APMAP: variants seen among roughly 807,000 people sequenced by gnomAD.
APMAP encodes the protein adipocyte plasma membrane associated protein.
In APMAP, 33 loss-of-function variants were observed where a neutral mutation model predicts 43.6. That is an observed-to-expected ratio of 0.76 (90% CI 0.57 to 1.01). The LOEUF (loss-of-function observed/expected upper bound fraction) is 1.01, where lower values mean the gene tolerates loss of function less well. APMAP is among the 50% of genes least tolerant of loss of function. APMAP has a pLI of 0.00. For missense variants in APMAP, 498 were observed against 540.7 expected (o/e 0.92, Z 0.78); for synonymous variants, 224 against 216.7 (o/e 1.03, Z -0.30).
intron 8 of APMAP, among the ~76,000 whole-genome samples, chr20:24,966,795 C>T (rs1180234085): frequency 6.6e-6 from 1 of 152,174 alleles, no homozygotes; most frequent in Non-Finnish European, 1.5e-5. Context: ...ATGGGGCCTG[C>T]AGACCGGACA....
At chr20:24,991,782 G>C (rs1302471287) in intron 1 of APMAP, among the ~76,000 whole-genome samples, 1 of 152,226 alleles carries the variant, frequency 6.6e-6, no homozygotes, top group Non-Finnish European at 1.5e-5. Flanking sequence ...GAATTGAAAA[G>C]TGAATTTTAA....
At chr20:24,981,811 C>T (rs2088106849) in intron 2 of APMAP, among the ~76,000 whole-genome samples, 1 of 152,132 alleles carries the variant, frequency 6.6e-6, no homozygotes, top group Non-Finnish European at 1.5e-5. Context: ...TTTTCAGTGA[C>T]TAGAAACATT....
intron 4 of APMAP, among the ~76,000 whole-genome samples, chr20:24,972,032 T>C (rs1443038704): frequency 6.9e-6 from 1 of 145,352 alleles, no homozygotes; most frequent in East Asian, 2.1e-4. Context: ...TGCAGGGTGT[T>C]TGTGTAGAGT....
chr20:24,966,524 A>G (rs1189285817), intron 8 of APMAP, among the ~76,000 whole-genome samples: 1 of 152,244 alleles, frequency 6.6e-6, no homozygotes, highest in Non-Finnish European at 1.5e-5. Flanking sequence ...AGATGAGCAC[A>G]GCTTCACTGC....
At chr20:24,975,987 A>G (rs1208684444) in intron 3 of APMAP, among the ~76,000 whole-genome samples, 1 of 152,228 alleles carries the variant, frequency 6.6e-6, no homozygotes, top group Admixed American at 6.5e-5. Flanking sequence ...TCCACATGCA[A>G]ACAAATAAAT....
intron 1 of APMAP, among the ~76,000 whole-genome samples, chr20:24,990,912 G>A (rs1467287245): frequency 6.6e-6 from 1 of 152,176 alleles, no homozygotes; most frequent in Non-Finnish European, 1.5e-5. Flanking sequence ...CAGGGAAACA[G>A]GAACAATGTT....
intron 8 of APMAP, among the ~76,000 whole-genome samples, chr20:24,967,718 C>T (rs2122483405): frequency 1.3e-5 from 2 of 152,356 alleles, no homozygotes; most frequent in Middle Eastern, 3.4e-3. Flanking sequence ...GCACCTGAGG[C>T]AGCGAGTCCA....
rs778361760 is a variant in APMAP at position 24,992,655 on chromosome 20, G to A, written c.34C>T (p.Pro12Ser). The A allele has an allele frequency of 1.2e-5, 18 of 1,558,776 alleles. No individual in the cohort carries two copies. In the South Asian group the frequency reaches 1.8e-4, roughly 15 times the overall value. The change falls in exon 1 of 9, where the codon CCC becomes TCC. Residue 12 changes from proline to serine, a missense_variant. Coordinates refer to ENST00000217456, the MANE Select transcript of APMAP (RefSeq NM_020531.3). Reference protein sequence around the residue: ...SEADGLRQRRPLRPQVVTDDD... With the variant: ...SEADGLRQRRSLRPQVVTDDD... ...TCTGTGACGACCTGCGGCCGCAGGGGCCGGCGCTGTCGCAGCCCGTCCGCC... is the reference window on the plus strand; with the variant it reads ...TCTGTGACGACCTGCGGCCGCAGGGACCGGCGCTGTCGCAGCCCGTCCGCC...
At chr20:24,973,577 C>A in intron 4 of APMAP, 68 bp downstream of exon 4, 1 of 1,475,482 alleles carries the variant, frequency 6.8e-7, no homozygotes. Flanking sequence ...AAAAGCAGTT[C>A]CACACAACGA....
At position 24,969,635 on chromosome 20, in the gene APMAP, T is replaced by G. The variant is rs745550814; in HGVS notation, c.739A>C (p.Arg247=). The G allele has an allele frequency of 2.5e-6, 4 of 1,613,800 alleles. No homozygotes were observed. The highest frequency in any genetic ancestry group is 3.4e-6 in the Non-Finnish European group (4 of 1,179,802). ...GRLLEYDTVT[R]EVKVLLDQLR... is the part of the protein sequence containing the mutation. ...TGGTCCAATAAAACTTTTACTTCCC[T>G]GGTCACAGTATCATACTCCAGCAGG... The change falls in exon 7 of 9, where the codon AGG becomes CGG. Residue 247 remains arginine (R), a synonymous_variant. Transcript: ENST00000217456.
At chr20:24,974,621 C>T (rs1050596309) in intron 3 of APMAP, among the ~76,000 whole-genome samples, 11 of 152,104 alleles carry the variant, frequency 7.2e-5, no homozygotes, top group African/African-American at 2.4e-4. Flanking sequence ...AATATAAAGA[C>T]ATATATAGAT....
At chr20:24,984,656 T>C (rs971386059) in intron 1 of APMAP, among the ~76,000 whole-genome samples, 2 of 152,198 alleles carry the variant, frequency 1.3e-5, no homozygotes, top group African/African-American at 4.8e-5. Flanking sequence ...TCTATAAAAT[T>C]ACAATTCAAA....
intron 1 of APMAP, among the ~76,000 whole-genome samples, chr20:24,990,239 C>T (rs969530806): frequency 2.6e-5 from 4 of 152,202 alleles, no homozygotes; most frequent in Admixed American, 2.0e-4. Context: ...CATTATATTT[C>T]AAATACAGTA....
Position 24,963,651 on chromosome 20 carries a change from A to C in APMAP, c.*162T>G. On this transcript the variant is annotated 3_prime_UTR_variant, in exon 9 of 9. Transcript: ENST00000217456. The stretch of plus-strand genomic sequence containing the variant: ...AGACAAGCCCAGGTGGGGCCCGGGC[A>C]TCCTCGAGGAATGAAGCAGCCATTC... The C allele has an allele frequency of 5.6e-6, 4 of 711,568 alleles. No individual in the cohort carries two copies. Among genetic ancestry groups the C allele is most frequent in the Non-Finnish European group, 9.4e-6 (4 of 425,702 alleles). 44.1% of individuals were successfully genotyped at this position (711,568 alleles called of 1,614,324 possible). A position where few individuals can be genotyped will look rare whatever the true frequency, so the allele number is the denominator to read the frequency against.
Position 24,992,703 on chromosome 20 carries a change from C to T in APMAP, c.-15G>A, listed in dbSNP as rs952625137. 6.6e-7 allele frequency: 1 copy of T among 1,504,064 alleles called. No individual in the cohort carries two copies. Among genetic ancestry groups the T allele is most frequent in the Admixed American group, 2.0e-5 (1 of 48,828 alleles). The allele number at this position is 1,504,064 out of a possible 1,614,324, so 93.2% of individuals were successfully genotyped here. On this transcript the variant is annotated 5_prime_UTR_variant, in exon 1 of 9. Coordinates refer to ENST00000217456, the MANE Select transcript of APMAP (RefSeq NM_020531.3). Reference sequence around the variant, plus strand: ...GCCTCGCTCATGGTACGGGCGCCAGCCTCACCCGCAGAAACCACCTCACAC... The same window carrying T: ...GCCTCGCTCATGGTACGGGCGCCAGTCTCACCCGCAGAAACCACCTCACAC...
intron 7 of APMAP, 84 bp from the exon 8 acceptor site, chr20:24,969,168 G>C (rs2087975331): frequency 7.6e-7 from 1 of 1,309,566 alleles, no homozygotes; most frequent in Non-Finnish European, 1.0e-6. Flanking sequence ...AACTGGTCTT[G>C]GTCCAAATAT....
Position 24,969,038 on chromosome 20 carries a change from C to T in APMAP, c.895G>A (p.Glu299Lys), listed in dbSNP as rs1600280785. 1 of 1,613,830 alleles carries T rather than the reference C, an allele frequency of 6.2e-7. No homozygotes were observed. Among genetic ancestry groups the T allele is most frequent in the South Asian group, 1.1e-5 (1 of 91,032 alleles). The change falls in exon 8 of 9, where the codon GAG (glutamate) becomes AAG (lysine). Residue 299 changes from glutamate (E) to lysine (K), a missense_variant. Physicochemically the swap from Glu to Lys is moderately conservative, Grantham distance 56. Transcript: ENST00000217456. ...TTGTCTGGAAATCCAGGCATGTTCT[C>T]CACAAACAGATCAGCCCCGCCCTTC... is the stretch of plus-strand genomic sequence containing the variant. ...LMKGGADLFV[E>K]NMPGFPDNIR...
chr20:24,967,181 G>A (rs1180960263), intron 8 of APMAP, among the ~76,000 whole-genome samples: 1 of 152,166 alleles, frequency 6.6e-6, no homozygotes, highest in Non-Finnish European at 1.5e-5. Flanking sequence ...TGTAGTCCCA[G>A]CTAGTCAGGA....
At chr20:24,976,222 T>G (rs924826240) in intron 3 of APMAP, among the ~76,000 whole-genome samples, 6 of 152,114 alleles carry the variant, frequency 3.9e-5, no homozygotes, top group Non-Finnish European at 7.4e-5. Context: ...AATTAAAAAC[T>G]CTTGCTCTAC....
Sources: gnomAD v4.1 joint callset for allele counts (sites outside exome capture counted in the v4.1 genomes callset) on GRCh38, gnomAD v4.1.1 for gene constraint, MANE v1.5 for transcripts, NCBI Gene and HGNC (gene_info 2026-07-23, HGNC 2026-07-21) for gene names.